GRID2: variants seen among roughly 807,000 people sequenced by gnomAD.
GRID2 encodes the protein glutamate ionotropic receptor delta type subunit 2, also known as glutamate receptor ionotropic, delta-2.
A neutral mutation model predicts 114.8 loss-of-function variants in GRID2; 33 were observed. That is an observed-to-expected ratio of 0.29 (90% CI 0.22 to 0.38). The LOEUF (loss-of-function observed/expected upper bound fraction) is 0.38. GRID2 is among the 10% of genes least tolerant of loss of function. The pLI is 1.00. For synonymous variants in GRID2, 505 were observed against 449.9 expected (o/e 1.12, Z -1.55); for missense variants, 1,184 against 1,257.7 (o/e 0.94, Z 0.89).
At chr4:93,606,260 C>G (rs137931232) in intron 13 of GRID2, among the ~76,000 whole-genome samples, 1 of 151,660 alleles carries the variant, frequency 6.6e-6, no homozygotes, top group East Asian at 1.9e-4. Flanking sequence ...AAGAGAGAGT[C>G]TGACTCAAAA....
chr4:92,613,143 G>GT (rs1729837235), intron 2 of GRID2, among the ~76,000 whole-genome samples: 1 of 151,408 alleles, frequency 6.6e-6, no homozygotes, highest in Middle Eastern at 3.4e-3. Context: ...TTGATGCTGA[G>GT]TTTTTTGAAA....
intron 2 of GRID2, among the ~76,000 whole-genome samples, chr4:93,001,682 G>A (rs955321515): frequency 6.6e-6 from 1 of 151,692 alleles, no homozygotes; most frequent in Non-Finnish European, 1.5e-5. Flanking sequence ...ATGGGTTAAA[G>A]GAAAGAGAGG....
chr4:93,351,963 C>T (rs1760845283), intron 8 of GRID2, among the ~76,000 whole-genome samples: 1 of 152,042 alleles, frequency 6.6e-6, no homozygotes, highest in African/African-American at 2.4e-5. Context: ...ATGCCTTACA[C>T]TTTCATTCAT....
intron 1 of GRID2, among the ~76,000 whole-genome samples, chr4:92,477,250 C>G (rs1722366215): frequency 6.6e-6 from 1 of 151,978 alleles, no homozygotes; most frequent in Admixed American, 6.6e-5. Flanking sequence ...GCAGCACTTA[C>G]TTTTCCATAT....
intron 1 of GRID2, among the ~76,000 whole-genome samples, chr4:92,445,298 A>G (rs1733395085): frequency 6.6e-6 from 1 of 152,164 alleles, no homozygotes; most frequent in South Asian, 2.1e-4. Flanking sequence ...TCGTGCTGCT[A>G]AACAATTGAG....
At chr4:92,461,645 T>C (rs985790518) in intron 1 of GRID2, among the ~76,000 whole-genome samples, 11 of 152,048 alleles carry the variant, frequency 7.2e-5, no homozygotes, top group Non-Finnish European at 1.6e-4. Flanking sequence ...CTTACCCTAA[T>C]TATACTTTCA....
chr4:93,098,989 CTGTGTGTGTG>C (rs71579585), intron 3 of GRID2, among the ~76,000 whole-genome samples: 36 of 138,980 alleles, frequency 2.6e-4, no homozygotes, highest in African/African-American at 8.0e-4. Flanking sequence ...AGATCATTTC[CTGTGTGTGTG>C]TGTGTGTGTG....
At chr4:92,591,139 A>G (rs532131639) in intron 2 of GRID2, among the ~76,000 whole-genome samples, 1 of 152,226 alleles carries the variant, frequency 6.6e-6, no homozygotes, top group African/African-American at 2.4e-5. Flanking sequence ...GGAGATGATT[A>G]GGTCATGAGG....
intron 14 of GRID2, among the ~76,000 whole-genome samples, chr4:93,748,465 C>A (rs78749363): frequency 0.042 from 6,466 of 152,268 alleles, 217 homozygotes; most frequent in African/African-American, 0.085. Flanking sequence ...AACCTCTCTG[C>A]ATCACTCAGA....
chr4:93,726,102 G>GT (rs569537546), intron 14 of GRID2, among the ~76,000 whole-genome samples: 2,418 of 152,264 alleles, frequency 0.016, 37 homozygotes, highest in Middle Eastern at 0.027. Flanking sequence ...TTCTTCTAGG[G>GT]TTTTTATGGT....
intron 2 of GRID2, among the ~76,000 whole-genome samples, chr4:92,668,806 A>G (rs938937734): frequency 6.6e-6 from 1 of 151,910 alleles, no homozygotes; most frequent in African/African-American, 2.4e-5. Flanking sequence ...TTACTTATGC[A>G]TAAATATTAT....
At chr4:93,761,425 G>GC (rs1440289048) in intron 14 of GRID2, among the ~76,000 whole-genome samples, 2 of 152,104 alleles carry the variant, frequency 1.3e-5, no homozygotes, top group Non-Finnish European at 2.9e-5. Flanking sequence ...CAGCTTGCCT[G>GC]TTTTTACAAA....
chr4:93,657,102 A>C (rs1723091135), intron 14 of GRID2, among the ~76,000 whole-genome samples: 1 of 152,054 alleles, frequency 6.6e-6, no homozygotes, highest in South Asian at 2.1e-4. Flanking sequence ...TCTACCTAGG[A>C]TAATATACAT....
chr4:92,658,253 T>A (rs1203786596), intron 2 of GRID2, among the ~76,000 whole-genome samples: 1 of 151,880 alleles, frequency 6.6e-6, no homozygotes, highest in Admixed American at 6.6e-5. Context: ...GTACTCCTTA[T>A]TCCAGTTACA....
chr4:93,414,685 T>TTATATGTATA (rs1553925781), intron 9 of GRID2, among the ~76,000 whole-genome samples: 1 of 140,518 alleles, frequency 7.1e-6, no homozygotes, highest in Admixed American at 7.0e-5. Context: ...ATCTGACATT[T>TTATATGTATA]TATATATATA....
intron 2 of GRID2, among the ~76,000 whole-genome samples, chr4:92,984,382 C>A (rs994582991): frequency 2.0e-5 from 3 of 152,222 alleles, no homozygotes; most frequent in Non-Finnish European, 2.9e-5. Context: ...CAGCTTATAT[C>A]ATTGCAGAAA....
intron 1 of GRID2, among the ~76,000 whole-genome samples, chr4:92,381,462 G>A (rs569415323): frequency 6.6e-6 from 1 of 151,872 alleles, no homozygotes; most frequent in Non-Finnish European, 1.5e-5. Flanking sequence ...ACTAGCAACT[G>A]AGTGATTATT....
At chr4:93,159,684 T>TC (rs1737501483) in intron 4 of GRID2, among the ~76,000 whole-genome samples, 1 of 146,700 alleles carries the variant, frequency 6.8e-6, no homozygotes, top group Admixed American at 7.2e-5. Context: ...AGAATTTTTT[T>TC]CCATCTGCAT....
At chr4:92,768,557 A>G (rs1480996834) in intron 2 of GRID2, among the ~76,000 whole-genome samples, 1 of 152,156 alleles carries the variant, frequency 6.6e-6, no homozygotes, top group African/African-American at 2.4e-5. Flanking sequence ...GTATTAGTTT[A>G]TTTTCCCATT....
Sources: gnomAD v4.1 joint callset for allele counts (sites outside exome capture counted in the v4.1 genomes callset) on GRCh38, gnomAD v4.1.1 for gene constraint, MANE v1.5 for transcripts, NCBI Gene and HGNC (gene_info 2026-07-23, HGNC 2026-07-21) for gene names.